CFAP299: variants seen among roughly 807,000 people sequenced by gnomAD.
CFAP299 encodes the protein cilia- and flagella-associated protein 299.
CFAP299 carries 21 observed loss-of-function variants against 27.0 expected under a neutral mutation model. The observed-to-expected ratio is 0.78, with a 90% confidence interval of 0.55 to 1.12. CFAP299 has a LOEUF of 1.12. CFAP299 is among the 50% of genes most tolerant of loss of function. The pLI is 0.00. For synonymous variants in CFAP299, 104 were observed against 98.1 expected (o/e 1.06, Z -0.36); for missense variants, 310 against 276.6 (o/e 1.12, Z -0.86).
At chr4:80,332,416 A>G (rs1479810090), upstream of CFAP299, among the ~76,000 whole-genome samples, 2 of 152,136 alleles carry the variant, frequency 1.3e-5, no homozygotes, top group Non-Finnish European at 2.9e-5. Context: ...TAAATTAACA[A>G]CAAAGAAGAG....
chr4:80,360,831 T>C (rs541342268), intron 1 of CFAP299, among the ~76,000 whole-genome samples: 7 of 152,346 alleles, frequency 4.6e-5, no homozygotes, highest in Non-Finnish European at 1.0e-4. Context: ...TGGATTCTGT[T>C]TGAGACCTGC....
chr4:80,481,304 A>G (rs757158972), intron 2 of CFAP299, among the ~76,000 whole-genome samples: 3 of 152,058 alleles, frequency 2.0e-5, no homozygotes, highest in Admixed American at 6.6e-5. Flanking sequence ...TGCTAAAATT[A>G]TCAACCACTA....
intron 3 of CFAP299, among the ~76,000 whole-genome samples, chr4:80,777,252 A>G (rs907983789): frequency 2.6e-5 from 4 of 152,104 alleles, no homozygotes; most frequent in African/African-American, 9.7e-5. Context: ...TGATTTTTGC[A>G]TGTGTTCAGA....
chr4:80,956,946 A>G (rs1018543399), intron 5 of CFAP299, among the ~76,000 whole-genome samples: 4 of 152,156 alleles, frequency 2.6e-5, no homozygotes, highest in Admixed American at 1.3e-4. Context: ...AAATTTTTCT[A>G]TGATCCTAAC....
chr4:80,369,076 G>T (rs142464315), intron 2 of CFAP299, among the ~76,000 whole-genome samples: 228 of 152,292 alleles, frequency 1.5e-3, no homozygotes, highest in African/African-American at 5.0e-3. Flanking sequence ...ATCCCACATG[G>T]GATGAAATAG....
intron 2 of CFAP299, among the ~76,000 whole-genome samples, chr4:80,508,758 A>G (rs1380988892): frequency 6.6e-6 from 1 of 152,148 alleles, no homozygotes; most frequent in Non-Finnish European, 1.5e-5. Flanking sequence ...AGGTCCCACC[A>G]TAATGTCCAG....
rs576363251 is a variant in CFAP299, at chr4:80,428,470, C to G, written c.242+65586C>G. Among the ~76,000 whole-genome samples the G allele has an allele frequency of 5.6e-4, 86 of 152,222 alleles. 1 individual carries two copies. In the South Asian group the frequency reaches 0.017, roughly 30 times the overall value. On this transcript the variant is annotated intron_variant, in intron 2 of 5. Transcript: ENST00000358105. ...TAGTAACATATGAAGAAAATGTTTCCTCGTGAGAAAAATGAACTAACTATG... is the reference window on the plus strand; with the variant it reads ...TAGTAACATATGAAGAAAATGTTTCGTCGTGAGAAAAATGAACTAACTATG...
intron 3 of CFAP299, among the ~76,000 whole-genome samples, chr4:80,759,776 G>A (rs76998475): frequency 0.021 from 3,221 of 152,156 alleles, 133 homozygotes; most frequent in African/African-American, 0.073. Context: ...ATGACTTTAC[G>A]TAACTTTTAC....
intron 3 of CFAP299, among the ~76,000 whole-genome samples, chr4:80,854,246 T>A (rs1731696647): frequency 6.6e-6 from 1 of 152,082 alleles, no homozygotes. Flanking sequence ...AAAATTGACC[T>A]TTGGATTTGG....
At position 80,801,911 on chromosome 4, in the gene CFAP299, T is replaced by G. The variant is rs1728632995; in HGVS notation, c.334-68082T>G. 2.6e-5 allele frequency among the ~76,000 whole-genome samples: 4 copies of G among 152,134 alleles called. No homozygotes were observed. In the South Asian group the frequency reaches 8.3e-4, roughly 31 times the overall value. On this transcript the variant is annotated intron_variant, in intron 3 of 5. Transcript: ENST00000358105. ...AGAAATGCAATCCTTAAGTTTTTTA[T>G]TTATTTTCAACTAATTCAGCACAAC...
At chr4:80,590,724 A>C (rs1336967971) in intron 3 of CFAP299, among the ~76,000 whole-genome samples, 1 of 152,208 alleles carries the variant, frequency 6.6e-6, no homozygotes, top group Non-Finnish European at 1.5e-5. Flanking sequence ...TGACACAATA[A>C]TTAAACATTT....
chr4:80,507,586 C>G (rs1468785392), intron 2 of CFAP299, among the ~76,000 whole-genome samples: 1 of 152,140 alleles, frequency 6.6e-6, no homozygotes, highest in African/African-American at 2.4e-5. Flanking sequence ...TCAAATCATG[C>G]TGCTTCCACC....
chr4:80,484,679 G>T, intron 2 of CFAP299, among the ~76,000 whole-genome samples: 1 of 152,102 alleles, frequency 6.6e-6, no homozygotes, highest in East Asian at 1.9e-4. Context: ...ATAAATGTAA[G>T]CTAAGACTAG....
intron 3 of CFAP299, among the ~76,000 whole-genome samples, chr4:80,667,729 G>A (rs1345169186): frequency 2.0e-5 from 3 of 152,026 alleles, no homozygotes; most frequent in Admixed American, 6.6e-5. Flanking sequence ...TCATTGATGG[G>A]CACTTAGGTT....
intron 3 of CFAP299, among the ~76,000 whole-genome samples, chr4:80,826,593 A>G (rs966453554): frequency 2.0e-5 from 3 of 151,954 alleles, no homozygotes; most frequent in Admixed American, 6.6e-5. Flanking sequence ...TTGAAGGCAG[A>G]TATAGACAGT....
intron 3 of CFAP299, among the ~76,000 whole-genome samples, chr4:80,751,580 A>T (rs560810188): frequency 6.6e-6 from 1 of 152,272 alleles, no homozygotes; most frequent in African/African-American, 2.4e-5. Flanking sequence ...GGAGGAATGG[A>T]TCAAGATCCC....
intron 1 of CFAP299, among the ~76,000 whole-genome samples, chr4:80,360,850 A>G (rs1397131028): frequency 2.0e-5 from 3 of 152,196 alleles, no homozygotes; most frequent in African/African-American, 4.8e-5. Context: ...GCCAAGCCTT[A>G]GAGTTTGTCA....
chr4:80,855,994 A>G (rs1317348796), intron 3 of CFAP299, among the ~76,000 whole-genome samples: 5 of 151,866 alleles, frequency 3.3e-5, no homozygotes, highest in Non-Finnish European at 7.4e-5. Context: ...TGACTTCCAC[A>G]GTGGTTGAAC....
chr4:80,831,836 A>G (rs1578165027), intron 3 of CFAP299, among the ~76,000 whole-genome samples: 1 of 152,182 alleles, frequency 6.6e-6, no homozygotes, highest in East Asian at 1.9e-4. Context: ...TTAAAAATGT[A>G]GTACTTCATT....
Sources: allele counts gnomAD v4.1 joint callset (sites outside exome capture counted in the v4.1 genomes callset), GRCh38; gene constraint gnomAD v4.1.1; transcripts MANE v1.5; gene names NCBI Gene and HGNC (gene_info 2026-07-23, HGNC 2026-07-21).